Variants in CHSY3 observed in about 807,000 individuals in gnomAD.
The protein encoded by CHSY3 is chondroitin sulfate synthase 3, also known as N-acetylgalactosaminyl-proteoglycan 3-beta-glucuronosyltransferase 3.
CHSY3 carries 35 observed loss-of-function variants against 67.2 expected under a neutral mutation model. The ratio of observed to expected loss-of-function variants is 0.52; its 90% CI spans 0.40 to 0.69. The LOEUF (loss-of-function observed/expected upper bound fraction) is 0.69, where lower values mean the gene tolerates loss of function less well. Among genes scored for constraint, CHSY3 ranks in the 30% least tolerant of loss-of-function variants. The pLI is 0.00. For synonymous variants in CHSY3, 474 were observed against 434.7 expected (o/e 1.09, Z -1.12); for missense variants, 1,069 against 1,138.5 (o/e 0.94, Z 0.88).
intron 2 of CHSY3, among the ~76,000 whole-genome samples, chr5:129,928,261 T>G (rs1285192764): frequency 7.1e-6 from 1 of 141,692 alleles, no homozygotes. Context: ...GAAAATAAAT[T>G]TTTTGTTAGT....
In CHSY3 at chr5:130,166,252, T is replaced by C. The variant is rs183404472; in HGVS notation, c.1087-17977T>C. Among the ~76,000 whole-genome samples, 457 of 152,292 alleles carry C rather than the reference T, an allele frequency of 3.0e-3. 3 individuals are homozygous for C. The highest frequency in any genetic ancestry group is 8.2e-3 in the Admixed American group (125 of 15,288). On this transcript the variant is annotated intron_variant, in intron 2 of 2. Transcript: ENST00000305031. ...CAGAGAGAAAAATTTTAAAACTCCA[T>C]TTAAACCATTTTAAAAGATAACTGT... is the stretch of plus-strand genomic sequence containing the variant.
chr5:130,015,495 G>A (rs186681691), intron 2 of CHSY3, among the ~76,000 whole-genome samples: 26 of 152,202 alleles, frequency 1.7e-4, no homozygotes, highest in Middle Eastern at 3.4e-3. Flanking sequence ...AATGTTCAGC[G>A]TCACTGATCA....
At chr5:130,158,434 T>C (rs1561563114) in intron 2 of CHSY3, among the ~76,000 whole-genome samples, 1 of 152,202 alleles carries the variant, frequency 6.6e-6, no homozygotes, top group Admixed American at 6.5e-5. Flanking sequence ...CATCTAGCTA[T>C]ACCCTACGTT....
intron 2 of CHSY3, among the ~76,000 whole-genome samples, chr5:130,096,896 C>A (rs995016710): frequency 6.6e-6 from 1 of 152,054 alleles, no homozygotes; most frequent in South Asian, 2.1e-4. Context: ...TTCTCTTATC[C>A]TTATAGTATT....
intron 2 of CHSY3, among the ~76,000 whole-genome samples, chr5:130,007,843 C>A (rs950319183): frequency 1.3e-5 from 2 of 152,110 alleles, no homozygotes; most frequent in African/African-American, 4.8e-5. Context: ...AATCTGAATA[C>A]CCCCTTGTCT....
chr5:130,088,391 A>G (rs79184890), intron 2 of CHSY3, among the ~76,000 whole-genome samples: 21,316 of 148,314 alleles, frequency 0.14, 2,386 homozygotes, highest in East Asian at 0.25. Flanking sequence ...TAATTAAACT[A>G]AAGAGCTTCT....
intron 2 of CHSY3, among the ~76,000 whole-genome samples, chr5:129,924,425 A>G (rs1413584981): frequency 6.6e-6 from 1 of 152,028 alleles, no homozygotes; most frequent in Non-Finnish European, 1.5e-5. Context: ...AGGCAGGCGG[A>G]TCACGAGATC....
chr5:130,132,689 C>T (rs555844830), intron 2 of CHSY3, among the ~76,000 whole-genome samples: 6 of 152,234 alleles, frequency 3.9e-5, no homozygotes, highest in Admixed American at 2.6e-4. Context: ...AATTTTGTCT[C>T]CCACCCAGGA....
intron 1 of CHSY3, chr5:129,905,985 G>T: frequency 3.6e-6 from 1 of 280,408 alleles, no homozygotes; most frequent in Non-Finnish European, 6.6e-6. Context: ...TCCTCTGAAA[G>T]CCCCTGCTGA....
In CHSY3 at chr5:129,945,825, G is replaced by A. The variant is rs376368127; in HGVS notation, c.1086+37465G>A. Among the ~76,000 whole-genome samples, 19 of 152,270 alleles carry A rather than the reference G, an allele frequency of 1.2e-4. No individual in the cohort carries two copies. In the East Asian group the frequency reaches 1.3e-3, roughly 11 times the overall value. On this transcript the variant is annotated intron_variant, in intron 2 of 2. Transcript: ENST00000305031. ...TTTCTTATGAAGGAAAAAAACATGC[G>A]TTATTGAACACTAGCTTCCAAGTTT... is the stretch of plus-strand genomic sequence containing the variant.
At chr5:130,024,442 C>T (rs921161306) in intron 2 of CHSY3, among the ~76,000 whole-genome samples, 5 of 151,986 alleles carry the variant, frequency 3.3e-5, no homozygotes, top group Admixed American at 1.3e-4. Flanking sequence ...TTCGAATTTT[C>T]GAGCAATTAG....
intron 2 of CHSY3, among the ~76,000 whole-genome samples, chr5:129,919,926 C>T (rs1760862947): frequency 6.6e-6 from 1 of 152,074 alleles, no homozygotes; most frequent in South Asian, 2.1e-4. Flanking sequence ...CTATTCATCA[C>T]CTCAAATATT....
chr5:130,154,858 G>C (rs1769327106), intron 2 of CHSY3, among the ~76,000 whole-genome samples: 1 of 152,134 alleles, frequency 6.6e-6, no homozygotes, highest in Non-Finnish European at 1.5e-5. Flanking sequence ...GTGTTAGATA[G>C]AGACTGGCAA....
At position 130,098,163 on chromosome 5, in the gene CHSY3, C is replaced by T. The variant is rs947167693; in HGVS notation, c.1087-86066C>T. ...GTCAGGATACAAAACATTTTCATCC[C>T]TTGAAGTATCCCTCATGAGAACCCT... On this transcript the variant is annotated intron_variant, in intron 2 of 2. Coordinates refer to ENST00000305031, the MANE Select transcript of CHSY3 (RefSeq NM_175856.5). 2.6e-5 allele frequency among the ~76,000 whole-genome samples: 4 copies of T among 152,134 alleles called. No homozygotes were observed. The East Asian group carries it at 5.8e-4, about 22-fold the overall frequency.
chr5:130,162,219 G>A (rs1349574676), intron 2 of CHSY3, among the ~76,000 whole-genome samples: 1 of 151,918 alleles, frequency 6.6e-6, no homozygotes, highest in East Asian at 1.9e-4. Context: ...TTTTAAAAAT[G>A]TACACTTAAC....
At chr5:130,135,788 G>A (rs1051513133) in intron 2 of CHSY3, among the ~76,000 whole-genome samples, 1 of 152,052 alleles carries the variant, frequency 6.6e-6, no homozygotes, top group African/African-American at 2.4e-5. Flanking sequence ...CCTAATAAAG[G>A]CAAAAGAGGT....
intron 2 of CHSY3, among the ~76,000 whole-genome samples, chr5:130,043,299 T>C (rs1331551320): frequency 3.9e-5 from 6 of 151,918 alleles, no homozygotes; most frequent in African/African-American, 7.2e-5. Context: ...ATTTAATAAA[T>C]ATATATTGTT....
At chr5:129,963,349 A>C (rs1441683066) in intron 2 of CHSY3, among the ~76,000 whole-genome samples, 1 of 152,056 alleles carries the variant, frequency 6.6e-6, no homozygotes, top group Non-Finnish European at 1.5e-5. Context: ...TTTTGTATAA[A>C]TGAAAAAGCT....
intron 2 of CHSY3, among the ~76,000 whole-genome samples, chr5:130,105,643 A>G (rs1767390821): frequency 6.6e-6 from 1 of 151,738 alleles, no homozygotes; most frequent in Non-Finnish European, 1.5e-5. Flanking sequence ...GTAAAATTAC[A>G]TTTACATTTA....
Sources: allele counts gnomAD v4.1 joint callset (sites outside exome capture counted in the v4.1 genomes callset), GRCh38; gene constraint gnomAD v4.1.1; transcripts MANE v1.5; gene names NCBI Gene and HGNC (gene_info 2026-07-23, HGNC 2026-07-21).